Variants in A3GALT2 observed in about 807,000 individuals in gnomAD.
A3GALT2 encodes the protein alpha-1,3-galactosyltransferase 2.
A3GALT2 carries 14 observed loss-of-function variants against 16.6 expected under a neutral mutation model. That is an observed-to-expected ratio of 0.84 (90% CI 0.56 to 1.32). The LOEUF is 1.32. Ranked by LOEUF, A3GALT2 falls within the 40% of genes most tolerant of loss-of-function variation. A3GALT2 has a pLI of 0.00. For missense variants in A3GALT2, 600 were observed against 490.9 expected, an observed-to-expected ratio of 1.22 and a Z score of -2.10; for synonymous variants, 253 against 218.0, an observed-to-expected ratio of 1.16 and a Z score of -1.42.
chr1:33,308,760 T>TTG (rs1646217019), intron 4 of A3GALT2, among the ~76,000 whole-genome samples: 1 of 110,308 alleles, frequency 9.1e-6, no homozygotes, highest in African/African-American at 5.4e-5. Flanking sequence ...GTTTTTTTTT[T>TTG]TTTTTTTTTT....
chr1:33,312,508 G>A lies in A3GALT2; in HGVS notation c.190C>T (p.Arg64Cys), dbSNP rs770172772. The A allele has an allele frequency of 1.3e-5, 20 of 1,593,608 alleles. No individual in the cohort carries two copies. Among genetic ancestry groups the A allele is most frequent in the South Asian group, 3.4e-5 (3 of 88,362 alleles). Reference sequence around the variant, plus strand: ...GGGATGGGAGCTTCTTACCAGGGACGCAGGGCACCTGTGAAGTTGTCTCTC... The same window carrying A: ...GGGATGGGAGCTTCTTACCAGGGACACAGGGCACCTGTGAAGTTGTCTCTC... ...QLRDNFTGAL[R>C]PWARPEVLTC... Residue 64 changes from arginine to cysteine, a missense_variant, in exon 3 of 5, where the codon CGT becomes TGT. Arg to Cys is a radical substitution (Grantham distance 180). Transcript: ENST00000442999.
At position 33,320,995 on chromosome 1, in the gene A3GALT2, T is replaced by C; in HGVS notation, c.23+81A>G. On this transcript the variant is annotated intron_variant, in intron 1 of 4. Transcript: ENST00000442999. The surrounding 1 kb of genome is among the most constrained non-coding windows in gnomAD (Gnocchi z 4.3). ...TCACTCTGGTGCCTCCCCTTGGTAC[T>C]GTTTTAGCCATCAGACTGGATCCCT... The C allele has an allele frequency of 6.4e-7, 1 of 1,572,436 alleles. No individual in the cohort carries two copies. The highest frequency in any genetic ancestry group is 8.7e-7 in the Non-Finnish European group (1 of 1,144,038).
At chr1:33,318,417 G>C (rs1164662843) in intron 1 of A3GALT2, among the ~76,000 whole-genome samples, 1 of 150,846 alleles carries the variant, frequency 6.6e-6, no homozygotes, top group Non-Finnish European at 1.5e-5. Flanking sequence ...TCCCCTTCCT[G>C]TGTTCTCAGC....
At position 33,320,955 on chromosome 1, in the gene A3GALT2, C is replaced by T. The variant is rs900286950; in HGVS notation, c.23+121G>A. ...CCTTTCCCCAGGACTGGAGGCTCAG[C>T]TGGTACTCCTGGGCTCACTCTGGTG... On this transcript the variant is annotated intron_variant, in intron 1 of 4. Transcript: ENST00000442999. The surrounding 1 kb of genome is among the most constrained non-coding windows in gnomAD (Gnocchi z 4.3). 3.6e-5 allele frequency: 47 copies of T among 1,302,462 alleles called. No individual in the cohort carries two copies. The highest frequency in any genetic ancestry group is 4.9e-5 in the Non-Finnish European group (45 of 914,046). 80.7% of individuals were successfully genotyped at this position (1,302,462 alleles called of 1,614,324 possible).
rs566125550 is a variant in A3GALT2 at position 33,307,438 on chromosome 1, G to C, written c.351C>G (p.Tyr117Ter). The C allele has an allele frequency of 6.6e-7, 1 of 1,524,096 alleles. No homozygotes were observed. Among genetic ancestry groups the C allele is most frequent in the South Asian group, 1.2e-5 (1 of 83,970 alleles). 94.4% of individuals were successfully genotyped at this position (1,524,096 alleles called of 1,614,324 possible). A position where few individuals can be genotyped will look rare whatever the true frequency, so the allele number is the denominator to read the frequency against. The change falls in exon 5 of 5, where the codon TAC (tyrosine) becomes TAG (stop). Residue 117 changes from tyrosine (Y) to a stop codon, truncating the protein, a stop_gained. Coordinates refer to ENST00000442999, the MANE Select transcript of A3GALT2 (RefSeq NM_001080438.1). LOFTEE classifies it low-confidence loss of function (END_TRUNC). ...CCGCCGTCTCCAGGAAGCGCTCCAGGTACTTCTCCAGGTATCTAAGGGCGC... is the reference window on the plus strand; with the variant it reads ...CCGCCGTCTCCAGGAAGCGCTCCAGCTACTTCTCCAGGTATCTAAGGGCGC... ...IFAVGRYLEK[Y>*]LERFLETAEQ...
At chr1:33,317,993 G>T (rs1164125681) in intron 1 of A3GALT2, among the ~76,000 whole-genome samples, 2 of 152,200 alleles carry the variant, frequency 1.3e-5, no homozygotes, top group Non-Finnish European at 2.9e-5. Flanking sequence ...ATTGAAAAGG[G>T]TGAGGTAGAT....
At chr1:33,309,050 A>C (rs1443464624) in intron 4 of A3GALT2, among the ~76,000 whole-genome samples, 1 of 151,688 alleles carries the variant, frequency 6.6e-6, no homozygotes, top group Non-Finnish European at 1.5e-5. Flanking sequence ...CCCTGAGTGG[A>C]CACAGCACAT....
intron 1 of A3GALT2, among the ~76,000 whole-genome samples, chr1:33,318,984 C>A (rs1180198714): frequency 6.6e-6 from 1 of 152,218 alleles, no homozygotes; most frequent in African/African-American, 2.4e-5. Flanking sequence ...ACTCCATTTT[C>A]TTCAAGATTA....
chr1:33,312,723 C>T, intron 2 of A3GALT2, 84 bp downstream of exon 2: 1 of 1,462,328 alleles, frequency 6.8e-7, no homozygotes, highest in South Asian at 1.2e-5. Flanking sequence ...CCACTGCCCT[C>T]CATCCCTCAA....
intron 4 of A3GALT2, among the ~76,000 whole-genome samples, chr1:33,308,750 G>GTTGTTTTTTTTTTTTTTTTTTTTTT (rs1646216251): frequency 2.2e-5 from 1 of 46,130 alleles, no homozygotes; most frequent in Non-Finnish European, 3.8e-5. Flanking sequence ...TGTCAAAGTT[G>GTTGTTTTTTTTTTTTTTTTTTTTTT]TTTTTTTTTT....
chr1:33,314,998 G>A (rs1444389843), intron 1 of A3GALT2, among the ~76,000 whole-genome samples: 1 of 152,160 alleles, frequency 6.6e-6, no homozygotes, highest in Non-Finnish European at 1.5e-5. Context: ...TGTAATCCCA[G>A]TGTTTTCGGA....
Position 33,307,412 on chromosome 1 carries a change from TC to T in A3GALT2, c.376del (p.Glu126SerfsTer10). ...KYLERFLETA[E>X]QHFMAGQSVM... ...GCTCTGGCCCGCCATGAAGTGCTGCTCCGCCGTCTCCAGGAAGCGCTCCAGG... is the reference window on the plus strand; with the variant it reads ...GCTCTGGCCCGCCATGAAGTGCTGCTCGCCGTCTCCAGGAAGCGCTCCAGG... On this transcript the variant is annotated frameshift_variant, in exon 5 of 5. Transcript: ENST00000442999. LOFTEE classifies it low-confidence loss of function (END_TRUNC). The T allele has an allele frequency of 6.4e-7, 1 of 1,552,252 alleles. No individual in the cohort carries two copies. Among genetic ancestry groups the T allele is most frequent in the Non-Finnish European group, 8.6e-7 (1 of 1,158,158 alleles).
chr1:33,308,753 T>TTTTTG (rs1234962352), intron 4 of A3GALT2, among the ~76,000 whole-genome samples: 23 of 77,130 alleles, frequency 3.0e-4, no homozygotes, highest in African/African-American at 1.7e-3. Context: ...CAAAGTTGTT[T>TTTTTG]TTTTTTTTTT....
In A3GALT2 at chr1:33,312,155, C is replaced by T. The variant is rs377504688; in HGVS notation, c.232G>A (p.Gly78Arg). The T allele has an allele frequency of 2.6e-4, 423 of 1,613,384 alleles. No individual in the cohort carries two copies. Among genetic ancestry groups the T allele is most frequent in the Non-Finnish European group, 3.3e-4 (385 of 1,179,808 alleles). ...GAGCCATCCCAAATAATGGGAGCCC[C>T]CCAGGGGGTACAGGTCAGAACTTCA... Reference protein sequence around the residue: ...RPEVLTCTPWGAPIIWDGSFD... With the variant: ...RPEVLTCTPWRAPIIWDGSFD... The change falls in exon 4 of 5, where the codon GGG (glycine) becomes AGG (arginine). Residue 78 changes from glycine (G) to arginine (R), a missense_variant. Physicochemically the swap from Gly to Arg is moderately radical, Grantham distance 125 (BLOSUM62 -2). Coordinates refer to ENST00000442999, the MANE Select transcript of A3GALT2 (RefSeq NM_001080438.1).
At chr1:33,311,886 G>T (rs1433106306) in intron 4 of A3GALT2, among the ~76,000 whole-genome samples, 166 bp downstream of exon 4, 5 of 152,224 alleles carry the variant, frequency 3.3e-5, no homozygotes, top group Non-Finnish European at 7.3e-5. Flanking sequence ...GGAGAAGGAT[G>T]GTCCTGTGCT....
intron 1 of A3GALT2, chr1:33,313,761 C>T (rs540833514): frequency 6.6e-6 from 1 of 152,348 alleles, no homozygotes; most frequent in African/African-American, 2.4e-5. Flanking sequence ...GGTTCGAATC[C>T]CAGCTCCACC....
intron 4 of A3GALT2, among the ~76,000 whole-genome samples, chr1:33,310,377 GA>G (rs1646228018): frequency 2.0e-5 from 3 of 152,154 alleles, no homozygotes; most frequent in Admixed American, 2.0e-4. Flanking sequence ...GGGAGAGGGA[GA>G]GGGGAATTAT....
chr1:33,320,957 G>T lies in A3GALT2; in HGVS notation c.23+119C>A. On this transcript the variant is annotated intron_variant, in intron 1 of 4. Coordinates refer to ENST00000442999, the MANE Select transcript of A3GALT2 (RefSeq NM_001080438.1). This position sits in a 1 kb window ranked among gnomAD's most constrained non-coding sequence, Gnocchi z 4.3. The stretch of plus-strand genomic sequence containing the variant: ...TTTCCCCAGGACTGGAGGCTCAGCT[G>T]GTACTCCTGGGCTCACTCTGGTGCC... 1 of 1,310,930 alleles carries T rather than the reference G, an allele frequency of 7.6e-7. No homozygotes were observed. Among genetic ancestry groups the T allele is most frequent in the Non-Finnish European group, 1.1e-6 (1 of 921,034 alleles). 81.2% of individuals were successfully genotyped at this position (1,310,930 alleles called of 1,614,324 possible).
intron 4 of A3GALT2, among the ~76,000 whole-genome samples, chr1:33,310,197 G>A (rs1348589273): frequency 2.0e-5 from 3 of 152,218 alleles, no homozygotes; most frequent in African/African-American, 7.2e-5. Flanking sequence ...CAGGCACTCG[G>A]CAGGCTGAGG....
Sources: gnomAD v4.1 joint callset for allele counts (sites outside exome capture counted in the v4.1 genomes callset) on GRCh38, gnomAD v4.1.1 for gene constraint, Gnocchi (gnomAD v3.1) non-coding constraint, MANE v1.5 for transcripts, NCBI Gene and HGNC (gene_info 2026-07-23, HGNC 2026-07-21) for gene names.